Variants in CFAP54 observed in about 807,000 individuals in gnomAD.
CFAP54 encodes the protein cilia- and flagella-associated protein 54.
CFAP54 carries 290 observed loss-of-function variants against 370.4 expected under a neutral mutation model. The ratio of observed to expected loss-of-function variants is 0.78; its 90% CI spans 0.71 to 0.86. The LOEUF (loss-of-function observed/expected upper bound fraction) is 0.86. CFAP54 is among the 40% of genes least tolerant of loss of function. CFAP54 has a pLI of 0.00. For missense variants in CFAP54, 3,399 were observed against 3,528.7 expected (o/e 0.96, Z 0.93); for synonymous variants, 1,206 against 1,236.5 (o/e 0.98, Z 0.52).
At chr12:96,767,204 C>G (rs908952271) in intron 60 of CFAP54, among the ~76,000 whole-genome samples, 1 of 152,180 alleles carries the variant, frequency 6.6e-6, no homozygotes, top group Non-Finnish European at 1.5e-5. Context: ...AAAATCCAAA[C>G]TATCGCATAT....
At chr12:96,574,364 C>T (rs926043776) in intron 19 of CFAP54, among the ~76,000 whole-genome samples, 8 of 152,038 alleles carry the variant, frequency 5.3e-5, no homozygotes, top group African/African-American at 1.7e-4. Context: ...GATCTCTTCT[C>T]TTATGTTTGT....
At chr12:96,785,662 G>C (rs554242114) in intron 61 of CFAP54, among the ~76,000 whole-genome samples, 1 of 152,312 alleles carries the variant, frequency 6.6e-6, no homozygotes, top group African/African-American at 2.4e-5. Flanking sequence ...ACAAGAGCCA[G>C]TGCAGCCAGC....
Position 96,768,438 on chromosome 12 carries a change from A to G in CFAP54, c.8281+3220A>G, listed in dbSNP as rs1958424199. The stretch of plus-strand genomic sequence containing the variant: ...AAGGCCAAGAAGGGTGGATCACTTG[A>G]GGCCAGGAGTTCAAGACCAGCCTGG... On this transcript the variant is annotated intron_variant, in intron 60 of 67. Transcript: ENST00000524981. Among the ~76,000 whole-genome samples, 4 of 152,162 alleles carry G rather than the reference A, an allele frequency of 2.6e-5. No individual in the cohort carries two copies. The South Asian group carries it at 8.3e-4, about 31-fold the overall frequency.
chr12:96,717,110 G>A (rs1020598689), intron 48 of CFAP54, among the ~76,000 whole-genome samples: 1 of 152,146 alleles, frequency 6.6e-6, no homozygotes, highest in Admixed American at 6.5e-5. Flanking sequence ...CACTCATGTG[G>A]GACCCATGTT....
chr12:96,852,871 C>G (rs561941056), intron 66 of CFAP54, among the ~76,000 whole-genome samples: 1 of 152,138 alleles, frequency 6.6e-6, no homozygotes, highest in African/African-American at 2.4e-5. Flanking sequence ...TTCAGTGTTA[C>G]TAGTTTTCAG....
chr12:96,610,862 G>A, intron 26 of CFAP54, among the ~76,000 whole-genome samples: 1 of 150,928 alleles, frequency 6.6e-6, no homozygotes, highest in Non-Finnish European at 1.5e-5. Context: ...CATTGCTGAG[G>A]CTTGAGTAGG....
At chr12:96,532,838 C>T (rs942482332) in intron 9 of CFAP54, among the ~76,000 whole-genome samples, 6 of 152,204 alleles carry the variant, frequency 3.9e-5, no homozygotes, top group Non-Finnish European at 7.4e-5. Flanking sequence ...CCAGGCTGGT[C>T]TCGAACTCCT....
At chr12:96,779,033 G>A (rs1286411673) in intron 60 of CFAP54, among the ~76,000 whole-genome samples, 1 of 148,048 alleles carries the variant, frequency 6.8e-6, no homozygotes, top group South Asian at 2.1e-4. Context: ...CTTGGACCCA[G>A]AAGGTAGAGG....
intron 63 of CFAP54, among the ~76,000 whole-genome samples, chr12:96,808,765 G>T (rs1411970379): frequency 6.6e-6 from 1 of 152,126 alleles, no homozygotes; most frequent in South Asian, 2.1e-4. Flanking sequence ...GTTATAGGCT[G>T]CTCCCTGGTG....
chr12:96,824,653 G>T (rs772147360), intron 65 of CFAP54, among the ~76,000 whole-genome samples: 1 of 152,084 alleles, frequency 6.6e-6, no homozygotes, highest in Non-Finnish European at 1.5e-5. Flanking sequence ...GACTAGTGCT[G>T]GGTAGTCTGC....
intron 64 of CFAP54, among the ~76,000 whole-genome samples, chr12:96,815,285 T>A (rs1958963963): frequency 6.6e-6 from 1 of 152,238 alleles, no homozygotes; most frequent in Non-Finnish European, 1.5e-5. Context: ...TGGTTTTGAT[T>A]TGCATTTCTC....
At chr12:96,648,691 C>A (rs574740337) in intron 34 of CFAP54, among the ~76,000 whole-genome samples, 74 of 146,106 alleles carry the variant, frequency 5.1e-4, no homozygotes, top group African/African-American at 1.7e-3. Context: ...TGAATTCAAG[C>A]GATTCTCCTG....
At chr12:96,763,270 AC>A (rs1282754771) in intron 58 of CFAP54, among the ~76,000 whole-genome samples, 1 of 151,732 alleles carries the variant, frequency 6.6e-6, no homozygotes, top group Non-Finnish European at 1.5e-5. Flanking sequence ...TATTAAAGAA[AC>A]CCCCATGGTA....
At position 96,692,526 on chromosome 12, in the gene CFAP54, C is replaced by T. The variant is rs746713192; in HGVS notation, c.6265-1196C>T. Among the ~76,000 whole-genome samples, 276 of 152,108 alleles carry T rather than the reference C, an allele frequency of 1.8e-3. 4 individuals carry two copies. The highest frequency in any genetic ancestry group is 3.2e-3 in the Non-Finnish European group (218 of 68,006). On this transcript the variant is annotated intron_variant, in intron 44 of 67. Coordinates refer to ENST00000524981, the MANE Select transcript of CFAP54 (RefSeq NM_001306084.2). Reference sequence around the variant, plus strand: ...AAAGAAACTAAATCTCAAAGGTAATCGCCAACTTTTAATGTTTTGTGCTGC... The same window carrying T: ...AAAGAAACTAAATCTCAAAGGTAATTGCCAACTTTTAATGTTTTGTGCTGC...
chr12:96,782,992 A>T (rs1479703544), intron 60 of CFAP54, among the ~76,000 whole-genome samples: 1 of 152,192 alleles, frequency 6.6e-6, no homozygotes, highest in Non-Finnish European at 1.5e-5. Flanking sequence ...AATAACAAAA[A>T]ATATCAGTAA....
chr12:96,727,806 G>A (rs900312758), intron 50 of CFAP54, among the ~76,000 whole-genome samples: 4 of 151,328 alleles, frequency 2.6e-5, no homozygotes, highest in South Asian at 2.1e-4. Context: ...ATTTTGCAGC[G>A]GCTGGTACCG....
At chr12:96,556,969 G>T (rs144579544) in intron 17 of CFAP54, among the ~76,000 whole-genome samples, 4 of 152,072 alleles carry the variant, frequency 2.6e-5, no homozygotes, top group East Asian at 1.9e-4. Flanking sequence ...TTCATACCTG[G>T]GTAACAAAAT....
chr12:96,807,384 G>T (rs908735465), intron 63 of CFAP54, among the ~76,000 whole-genome samples: 3 of 152,104 alleles, frequency 2.0e-5, no homozygotes, highest in Admixed American at 6.6e-5. Context: ...ATTTTCTTAG[G>T]TGATTAAGAT....
At chr12:96,704,865 AT>A in intron 47 of CFAP54, 69 bp downstream of exon 47, 1 of 526,536 alleles carries the variant, frequency 1.9e-6, no homozygotes, top group Non-Finnish European at 3.3e-6. Context: ...ATTCTAATCT[AT>A]TTGGTTGATA....
Sources: gnomAD v4.1 joint callset for allele counts (sites outside exome capture counted in the v4.1 genomes callset) on GRCh38, gnomAD v4.1.1 for gene constraint, MANE v1.5 for transcripts, NCBI Gene and HGNC (gene_info 2026-07-23, HGNC 2026-07-21) for gene names.